SGCZ: variants seen among roughly 807,000 people sequenced by gnomAD.
SGCZ encodes zeta-sarcoglycan.
A neutral mutation model predicts 41.3 loss-of-function variants in SGCZ; 40 were observed. The observed-to-expected ratio is 0.97, with a 90% CI of 0.75 to 1.26. The LOEUF (loss-of-function observed/expected upper bound fraction) is 1.26. SGCZ is among the 50% of genes most tolerant of loss of function. The pLI is 0.00. For synonymous variants in SGCZ, 206 were observed against 137.5 expected, an observed-to-expected ratio of 1.50 and a Z score of -3.49; for missense variants, 552 against 369.8, an observed-to-expected ratio of 1.49 and a Z score of -4.04.
intron 2 of SGCZ, among the ~76,000 whole-genome samples, chr8:14,432,772 G>A (rs1489887149): frequency 1.3e-5 from 2 of 151,984 alleles, no homozygotes; most frequent in East Asian, 1.9e-4. Flanking sequence ...AAATTAGCCA[G>A]GCGTGGTGGA....
At chr8:15,228,527 C>G (rs1221053244) in intron 1 of SGCZ, among the ~76,000 whole-genome samples, 5 of 152,148 alleles carry the variant, frequency 3.3e-5, no homozygotes, top group African/African-American at 1.2e-4. Flanking sequence ...GATTTGAAAA[C>G]TTTAAACACA....
intron 3 of SGCZ, among the ~76,000 whole-genome samples, chr8:14,308,291 T>C (rs1029305197): frequency 2.0e-5 from 3 of 152,056 alleles, no homozygotes; most frequent in Non-Finnish European, 4.4e-5. Flanking sequence ...GTCATGACAA[T>C]AAGTGATAGG....
intron 1 of SGCZ, among the ~76,000 whole-genome samples, chr8:14,917,173 A>G (rs1181038899): frequency 6.6e-6 from 1 of 152,092 alleles, no homozygotes; most frequent in Admixed American, 6.5e-5. Flanking sequence ...GTCAATCATA[A>G]TTTGTCAGCT....
chr8:14,936,378 G>T lies in SGCZ; in HGVS notation c.39+301207C>A, dbSNP rs545022010. Among the ~76,000 whole-genome samples the T allele has an allele frequency of 2.0e-5, 3 of 151,922 alleles. No individual in the cohort carries two copies. The South Asian group carries it at 6.2e-4, about 31-fold the overall frequency. ...AAATGCTCAGAATACTTTGCTCACG[G>T]TTAGGCAAAATCATGTAATACAAAG... On this transcript the variant is annotated intron_variant, in intron 1 of 7. Coordinates refer to ENST00000382080, the MANE Select transcript of SGCZ (RefSeq NM_139167.4).
chr8:14,828,538 T>C (rs1184232519), intron 1 of SGCZ, among the ~76,000 whole-genome samples: 3 of 152,220 alleles, frequency 2.0e-5, no homozygotes, highest in African/African-American at 7.2e-5. Context: ...CCTGAAGCAC[T>C]TCCTCTAATT....
chr8:14,551,624 T>A (rs1165579953), intron 2 of SGCZ, among the ~76,000 whole-genome samples: 1 of 74,328 alleles, frequency 1.3e-5, no homozygotes, highest in South Asian at 3.3e-4. Flanking sequence ...ATACATAAAA[T>A]ATATATATTA....
chr8:14,493,425 G>A (rs1468607477), intron 2 of SGCZ, among the ~76,000 whole-genome samples: 11 of 113,394 alleles, frequency 9.7e-5, no homozygotes, highest in Middle Eastern at 6.0e-3. Context: ...GGAGTACAGC[G>A]GCATGATCTC....
chr8:14,995,005 A>C (rs1303754293), intron 1 of SGCZ, among the ~76,000 whole-genome samples: 1 of 152,210 alleles, frequency 6.6e-6, no homozygotes, highest in Non-Finnish European at 1.5e-5. Context: ...GAAAATGCCA[A>C]AGAAAAAGGC....
intron 1 of SGCZ, among the ~76,000 whole-genome samples, chr8:14,568,282 T>G (rs1028316275): frequency 6.6e-6 from 1 of 152,120 alleles, no homozygotes; most frequent in South Asian, 2.1e-4. Flanking sequence ...ACCTAATGCA[T>G]GTAGGGCTTG....
At chr8:14,979,306 A>C (rs1195408222) in intron 1 of SGCZ, among the ~76,000 whole-genome samples, 1 of 152,204 alleles carries the variant, frequency 6.6e-6, no homozygotes, top group Non-Finnish European at 1.5e-5. Context: ...TCATCCCAAC[A>C]GGCAGATGTT....
rs556126792 is a variant in SGCZ, at chr8:14,331,612, C to G, written c.235-7408G>C. On this transcript the variant is annotated intron_variant, in intron 2 of 7. Transcript: ENST00000382080. ...AATTTGACCTCTAATTCAACTTGTA[C>G]GGAAACATTTTTATAGATTGCTGTT... Among the ~76,000 whole-genome samples, 13 of 152,074 alleles carry G rather than the reference C, an allele frequency of 8.5e-5. No homozygotes were observed. The East Asian group carries it at 2.5e-3, about 29-fold the overall frequency.
intron 1 of SGCZ, among the ~76,000 whole-genome samples, chr8:15,000,509 C>T (rs1802377848): frequency 6.6e-6 from 1 of 152,116 alleles, no homozygotes; most frequent in Non-Finnish European, 1.5e-5. Context: ...AGTTGAGCTG[C>T]AGACATAGAC....
At chr8:14,362,977 T>A (rs528248417) in intron 2 of SGCZ, among the ~76,000 whole-genome samples, 1 of 152,322 alleles carries the variant, frequency 6.6e-6, no homozygotes, top group South Asian at 2.1e-4. Context: ...AAAATGACTT[T>A]ACAGATTTTT....
intron 1 of SGCZ, among the ~76,000 whole-genome samples, chr8:14,630,657 T>C (rs181762735): frequency 0.03 from 4,590 of 151,782 alleles, 134 homozygotes; most frequent in African/African-American, 0.08. Context: ...ATTAAGAAAA[T>C]GTGACACGTA....
intron 1 of SGCZ, among the ~76,000 whole-genome samples, chr8:14,826,044 A>C (rs1413739889): frequency 6.6e-6 from 1 of 151,052 alleles, no homozygotes; most frequent in African/African-American, 2.4e-5. Context: ...CCCATTAACT[A>C]GTCATTTAGC....
intron 1 of SGCZ, among the ~76,000 whole-genome samples, chr8:14,880,161 C>T (rs1804533711): frequency 6.6e-6 from 1 of 152,124 alleles, no homozygotes; most frequent in South Asian, 2.1e-4. Flanking sequence ...GCATTTAACT[C>T]AGGCATTAAT....
intron 2 of SGCZ, among the ~76,000 whole-genome samples, chr8:14,437,702 GATAA>G (rs1800133227): frequency 6.6e-6 from 1 of 151,538 alleles, no homozygotes; most frequent in Non-Finnish European, 1.5e-5. Flanking sequence ...GTTTAGAATT[GATAA>G]ATAAAAATTT....
chr8:14,131,181 T>G (rs950601011), intron 5 of SGCZ, among the ~76,000 whole-genome samples: 2 of 152,128 alleles, frequency 1.3e-5, no homozygotes, highest in African/African-American at 4.8e-5. Flanking sequence ...TCTCTAGTAT[T>G]AACCCAGACA....
Position 14,237,608 on chromosome 8 carries a change from G to A in SGCZ, c.408C>T (p.Thr136=), listed in dbSNP as rs764902858. ...AACACTCACCTATGGTCAGCTGTCC[G>A]GTTAACTGCCCCATGTGATTTCTTG... is the stretch of plus-strand genomic sequence containing the variant. ...VNARNHMGQL[T]GQLTIGADAV... The change falls in exon 4 of 8, where the codon ACC becomes ACT. Residue 136 remains threonine, a synonymous_variant. Transcript: ENST00000382080. 72 of 1,613,670 alleles carry A rather than the reference G, an allele frequency of 4.5e-5. No individual in the cohort carries two copies. The highest frequency in any genetic ancestry group is 1.8e-4 in the South Asian group (16 of 91,072).
Sources: gnomAD v4.1 joint callset for allele counts (sites outside exome capture counted in the v4.1 genomes callset) on GRCh38, gnomAD v4.1.1 for gene constraint, MANE v1.5 for transcripts, NCBI Gene and HGNC (gene_info 2026-07-23, HGNC 2026-07-21) for gene names.